DAB1: variants seen among roughly 807,000 people sequenced by gnomAD.
The protein encoded by DAB1 is DAB adaptor protein 1, also known as disabled homolog 1.
DAB1 carries 15 observed loss-of-function variants against 64.6 expected under a neutral mutation model. The observed-to-expected ratio is 0.23, with a 90% confidence interval of 0.16 to 0.36. The LOEUF (loss-of-function observed/expected upper bound fraction) is 0.36, where lower values mean the gene tolerates loss of function less well. DAB1 is among the 10% of genes least tolerant of loss of function. DAB1 has a pLI of 1.00. For missense variants in DAB1, 596 were observed against 706.7 expected, an observed-to-expected ratio of 0.84 and a Z score of 1.78; for synonymous variants, 235 against 251.9, an observed-to-expected ratio of 0.93 and a Z score of 0.64.
intron 1 of DAB1, among the ~76,000 whole-genome samples, chr1:57,407,356 G>GA (rs1683725108): frequency 6.6e-6 from 1 of 151,922 alleles, no homozygotes; most frequent in Admixed American, 6.6e-5. Flanking sequence ...AGCTGAAAAA[G>GA]AAAAAATAAA....
At chr1:58,430,709 G>A (rs1288648357) in intron 3 of DAB1, among the ~76,000 whole-genome samples, 1 of 152,202 alleles carries the variant, frequency 6.6e-6, no homozygotes, top group Non-Finnish European at 1.5e-5. Flanking sequence ...AATGCAATAA[G>A]GAGGGAGGTA....
intron 3 of DAB1, among the ~76,000 whole-genome samples, chr1:58,359,098 G>A (rs973929450): frequency 3.3e-5 from 5 of 152,124 alleles, no homozygotes; most frequent in South Asian, 4.2e-4. Context: ...ATTAGCCAAC[G>A]ATTCCATTCC....
chr1:58,489,414 G>A (rs557808121), intron 3 of DAB1, among the ~76,000 whole-genome samples: 43 of 152,280 alleles, frequency 2.8e-4, no homozygotes, highest in Non-Finnish European at 5.1e-4. Context: ...TGCCATTGCC[G>A]AGGCTTGAGT....
chr1:57,057,823 T>G (rs573103769), intron 9 of DAB1, among the ~76,000 whole-genome samples: 7 of 151,980 alleles, frequency 4.6e-5, no homozygotes, highest in Non-Finnish European at 1.0e-4. Context: ...TTAGCCAGGA[T>G]GGTCTCGATC....
intron 1 of DAB1, among the ~76,000 whole-genome samples, chr1:58,540,862 T>A (rs928964477): frequency 1.3e-5 from 2 of 148,860 alleles, no homozygotes; most frequent in Non-Finnish European, 3.0e-5. Flanking sequence ...CCAAACTTGA[T>A]GAAAATTATA....
intron 5 of DAB1, among the ~76,000 whole-genome samples, chr1:58,107,402 C>G (rs1651718660): frequency 6.7e-6 from 1 of 148,438 alleles, no homozygotes; most frequent in Middle Eastern, 3.5e-3. Context: ...ATCCAGGAGG[C>G]GGAGTTTGCA....
At chr1:57,031,152 A>G (rs1646954642) in intron 9 of DAB1, among the ~76,000 whole-genome samples, 1 of 152,212 alleles carries the variant, frequency 6.6e-6, no homozygotes. Flanking sequence ...GGCATAAAAC[A>G]TAGATTGTTA....
chr1:57,462,225 A>T (rs1050419447), intron 7 of DAB1, among the ~76,000 whole-genome samples: 3 of 152,122 alleles, frequency 2.0e-5, no homozygotes, highest in African/African-American at 7.2e-5. Flanking sequence ...CTGGGATTAC[A>T]GGCGTGAGCC....
At chr1:57,347,423 A>G (rs977305141) in intron 1 of DAB1, among the ~76,000 whole-genome samples, 2 of 152,160 alleles carry the variant, frequency 1.3e-5, no homozygotes, top group African/African-American at 4.8e-5. Flanking sequence ...TTCCCGTTCT[A>G]ATTTGCTAAG....
intron 5 of DAB1, among the ~76,000 whole-genome samples, chr1:58,054,958 A>G (rs1647964854): frequency 2.0e-5 from 3 of 152,262 alleles, no homozygotes; most frequent in South Asian, 2.1e-4. Flanking sequence ...TCTACTCAGC[A>G]GCAGGTGGCC....
intron 1 of DAB1, among the ~76,000 whole-genome samples, chr1:57,294,745 C>T (rs768832205): frequency 4.6e-5 from 7 of 152,110 alleles, no homozygotes; most frequent in South Asian, 2.1e-4. Context: ...CCAGCTTAGG[C>T]GCTTGTCCAA....
chr1:57,422,564 C>A (rs1270388750), intron 1 of DAB1, among the ~76,000 whole-genome samples: 1 of 151,986 alleles, frequency 6.6e-6, no homozygotes, highest in African/African-American at 2.4e-5. Flanking sequence ...CACAGATGCC[C>A]GCGTCGCGGC....
At chr1:57,368,114 T>G (rs2100925316) in intron 1 of DAB1, among the ~76,000 whole-genome samples, 1 of 152,334 alleles carries the variant, frequency 6.6e-6, no homozygotes, top group African/African-American at 2.4e-5. Context: ...GTGCACACAC[T>G]CAGGGCACTG....
intron 7 of DAB1, among the ~76,000 whole-genome samples, chr1:57,586,584 C>T (rs1645383902): frequency 6.6e-6 from 1 of 152,032 alleles, no homozygotes; most frequent in African/African-American, 2.4e-5. Context: ...TTTCGTCATA[C>T]ACATTCTTCC....
intron 6 of DAB1, among the ~76,000 whole-genome samples, chr1:57,652,970 C>T (rs1646273902): frequency 6.6e-6 from 1 of 152,160 alleles, no homozygotes; most frequent in African/African-American, 2.4e-5. Context: ...TACCTTGTTG[C>T]ATTTTATTAT....
chr1:57,374,161 C>A (rs1680717282), intron 1 of DAB1, among the ~76,000 whole-genome samples: 1 of 146,726 alleles, frequency 6.8e-6, no homozygotes, highest in South Asian at 2.1e-4. Flanking sequence ...TAACAGTAAA[C>A]CTTTGTTGCA....
At chr1:58,492,785 AC>A (rs1185722057) in intron 3 of DAB1, among the ~76,000 whole-genome samples, 2 of 152,192 alleles carry the variant, frequency 1.3e-5, no homozygotes, top group African/African-American at 4.8e-5. Context: ...TAGCTTACCA[AC>A]CAAAAAAAGT....
At chr1:57,640,890 C>G (rs1646119808) in intron 7 of DAB1, among the ~76,000 whole-genome samples, 1 of 152,074 alleles carries the variant, frequency 6.6e-6, no homozygotes. Flanking sequence ...TTTTATTTTT[C>G]CTGAATGCAC....
At chr1:57,879,106 A>C (rs1270642188) in intron 1 of DAB1, among the ~76,000 whole-genome samples, 1 of 152,156 alleles carries the variant, frequency 6.6e-6, no homozygotes, top group Non-Finnish European at 1.5e-5. Flanking sequence ...TGTCTTGGCT[A>C]TAGTGAATAC....
Sources: allele counts gnomAD v4.1 joint callset (sites outside exome capture counted in the v4.1 genomes callset), GRCh38; gene constraint gnomAD v4.1.1; transcripts MANE v1.5; gene names NCBI Gene and HGNC (gene_info 2026-07-23, HGNC 2026-07-21).